CSMD1: variants seen among roughly 807,000 people sequenced by gnomAD.
CSMD1 encodes the protein CUB and Sushi multiple domains 1.
Under a neutral mutation model 417.5 loss-of-function variants are expected in CSMD1, and 213 were observed. The observed-to-expected ratio is 0.51, with a 90% CI of 0.46 to 0.57. The LOEUF (loss-of-function observed/expected upper bound fraction) is 0.57. CSMD1 is among the 20% of genes least tolerant of loss of function. CSMD1 has a pLI of 0.00. For synonymous variants in CSMD1, 2,862 were observed against 1,736.8 expected (o/e 1.65, Z -16.11); for missense variants, 6,923 against 4,529.7 (o/e 1.53, Z -15.17).
intron 2 of CSMD1, among the ~76,000 whole-genome samples, chr8:4,610,785 T>C (rs548094825): frequency 3.3e-5 from 5 of 152,314 alleles, no homozygotes; most frequent in East Asian, 1.9e-4. Flanking sequence ...ATGGTTGATA[T>C]TGCCTTTCAC....
chr8:4,168,457 T>C (rs1012772542), intron 3 of CSMD1, among the ~76,000 whole-genome samples: 12 of 152,054 alleles, frequency 7.9e-5, no homozygotes, highest in East Asian at 1.9e-4. Context: ...ATATAACGTA[T>C]TTTTAGAAAA....
chr8:3,839,504 ATATT>A (rs1199787905), intron 5 of CSMD1, among the ~76,000 whole-genome samples: 2 of 63,074 alleles, frequency 3.2e-5, no homozygotes, highest in Non-Finnish European at 7.1e-5. Flanking sequence ...ATTAATATAT[ATATT>A]TATATAGAAT....
At chr8:4,317,684 G>T (rs1457359942) in intron 3 of CSMD1, among the ~76,000 whole-genome samples, 2 of 152,096 alleles carry the variant, frequency 1.3e-5, no homozygotes, top group African/African-American at 2.4e-5. Context: ...GTTCTTTATA[G>T]ACTTAGAAGT....
chr8:3,425,325 C>T (rs768033186), intron 12 of CSMD1, among the ~76,000 whole-genome samples: 1 of 151,368 alleles, frequency 6.6e-6, no homozygotes, highest in Non-Finnish European at 1.5e-5. Flanking sequence ...CAAGGTGGCT[C>T]ACGCCTGTAA....
chr8:3,550,848 G>C (rs1798878914), intron 10 of CSMD1, among the ~76,000 whole-genome samples: 1 of 152,194 alleles, frequency 6.6e-6, no homozygotes, highest in Non-Finnish European at 1.5e-5. Context: ...TGGGTAAATA[G>C]GGTGTATGCA....
intron 62 of CSMD1, among the ~76,000 whole-genome samples, chr8:2,959,352 G>T (rs1476265311): frequency 1.3e-5 from 2 of 152,140 alleles, no homozygotes; most frequent in African/African-American, 4.8e-5. Context: ...TTCTGCCTGG[G>T]CCTCCCAAAG....
chr8:3,164,521 TTAC>T (rs1363878108), intron 37 of CSMD1, among the ~76,000 whole-genome samples: 1 of 152,194 alleles, frequency 6.6e-6, no homozygotes, highest in Non-Finnish European at 1.5e-5. Context: ...AGAACATAGA[TTAC>T]TACATTTAAA....
intron 30 of CSMD1, among the ~76,000 whole-genome samples, chr8:3,212,309 G>T (rs1167141515): frequency 6.6e-6 from 1 of 152,122 alleles, no homozygotes; most frequent in Non-Finnish European, 1.5e-5. Context: ...AACATGACTA[G>T]AAAGGACTGA....
intron 3 of CSMD1, among the ~76,000 whole-genome samples, chr8:4,397,912 A>G (rs1028222456): frequency 1.3e-5 from 2 of 152,164 alleles, no homozygotes; most frequent in Admixed American, 6.5e-5. Flanking sequence ...CACAATTTTA[A>G]GCTTGTTCTT....
At chr8:3,856,710 G>A (rs1804340186) in intron 5 of CSMD1, among the ~76,000 whole-genome samples, 1 of 152,190 alleles carries the variant, frequency 6.6e-6, no homozygotes, top group Non-Finnish European at 1.5e-5. Context: ...GATAGGGTAT[G>A]CTGTTTCCTC....
intron 1 of CSMD1, among the ~76,000 whole-genome samples, chr8:4,750,357 G>C (rs1316457042): frequency 6.6e-6 from 1 of 152,142 alleles, no homozygotes; most frequent in Admixed American, 6.5e-5. Context: ...AGAAAATTGA[G>C]TTGCTTTTTT....
chr8:4,717,454 C>CTA (rs147060959), intron 1 of CSMD1, among the ~76,000 whole-genome samples: 4,664 of 147,114 alleles, frequency 0.032, 197 homozygotes, highest in African/African-American at 0.097. Flanking sequence ...TATACACACA[C>CTA]TATATATATA....
chr8:3,172,309 A>C (rs556477096), intron 37 of CSMD1, among the ~76,000 whole-genome samples: 6 of 151,846 alleles, frequency 4.0e-5, no homozygotes, highest in Non-Finnish European at 2.9e-5. Context: ...CTCTGTATTG[A>C]TATTTTGCTT....
At chr8:4,257,957 T>C (rs1444140037) in intron 3 of CSMD1, among the ~76,000 whole-genome samples, 3 of 152,144 alleles carry the variant, frequency 2.0e-5, no homozygotes, top group African/African-American at 7.2e-5. Flanking sequence ...ATTAGAATCT[T>C]TGTCTGCTCA....
intron 2 of CSMD1, among the ~76,000 whole-genome samples, chr8:4,548,743 C>T (rs1025856177): frequency 1.3e-5 from 2 of 152,020 alleles, no homozygotes; most frequent in African/African-American, 4.8e-5. Flanking sequence ...ATTACAGAAC[C>T]GCTTTGAAAG....
chr8:4,334,515 C>T (rs1330209431), intron 3 of CSMD1, among the ~76,000 whole-genome samples: 1 of 152,108 alleles, frequency 6.6e-6, no homozygotes, highest in East Asian at 1.9e-4. Context: ...CCTATAAATG[C>T]ATGAGCTAAT....
intron 3 of CSMD1, among the ~76,000 whole-genome samples, chr8:4,104,756 T>A (rs149908570): frequency 6.6e-6 from 1 of 152,282 alleles, no homozygotes; most frequent in African/African-American, 2.4e-5. Context: ...AAAAGCACAA[T>A]CCGGCTTTCC....
chr8:4,285,448 G>A (rs899639120), intron 3 of CSMD1, among the ~76,000 whole-genome samples: 8 of 152,140 alleles, frequency 5.3e-5, no homozygotes, highest in African/African-American at 1.9e-4. Flanking sequence ...AAGGGTATTA[G>A]TTCAGAATTA....
At chr8:4,591,644 G>C (rs1799988361) in intron 2 of CSMD1, among the ~76,000 whole-genome samples, 2 of 152,134 alleles carry the variant, frequency 1.3e-5, no homozygotes, top group African/African-American at 4.8e-5. Context: ...CAGCAGGAGA[G>C]GGCATAAGTA....
Sources: gnomAD v4.1 joint callset for allele counts (sites outside exome capture counted in the v4.1 genomes callset) on GRCh38, gnomAD v4.1.1 for gene constraint, MANE v1.5 for transcripts, NCBI Gene and HGNC (gene_info 2026-07-23, HGNC 2026-07-21) for gene names.